TBL1X: variants seen among roughly 807,000 people sequenced by gnomAD.
The protein encoded by TBL1X is transducin beta like 1 X-linked.
In TBL1X, 10 loss-of-function variants were observed where a neutral mutation model predicts 50.7. The ratio of observed to expected loss-of-function variants is 0.20; its 90% CI spans 0.12 to 0.33. The LOEUF (loss-of-function observed/expected upper bound fraction) is 0.33, where lower values mean the gene tolerates loss of function less well. TBL1X is among the 10% of genes least tolerant of loss of function. TBL1X has a pLI of 1.00. For missense variants in TBL1X, 340 were observed against 504.4 expected (o/e 0.67, Z 3.12); for synonymous variants, 190 against 214.7 (o/e 0.88, Z 1.01).
chrX:9,707,616 T>C (rs1287206018), intron 13 of TBL1X, among the ~76,000 whole-genome samples: 1 of 112,678 alleles, frequency 8.9e-6, no homozygotes, highest in Non-Finnish European at 1.9e-5. Flanking sequence ...TTTGTTCCTT[T>C]GCATGGGCTT....
At chrX:9,482,482 C>G (rs1236044357) in intron 1 of TBL1X, among the ~76,000 whole-genome samples, 1 of 112,239 alleles carries the variant, frequency 8.9e-6, no homozygotes, top group African/African-American at 3.2e-5. Flanking sequence ...TATTTAAATT[C>G]ACTCTTTCCT....
At chrX:9,655,034 G>A (rs1269552081) in intron 5 of TBL1X, among the ~76,000 whole-genome samples, 2 of 110,575 alleles carry the variant, frequency 1.8e-5, no homozygotes. Context: ...AGGTGCATTG[G>A]AAACCCCGCC....
chrX:9,688,011 C>T lies in TBL1X; in HGVS notation c.358-6C>T. 8.3e-7 allele frequency: 1 copy of T among 1,200,834 alleles called. No individual in the cohort carries two copies. The highest frequency in any genetic ancestry group is 1.7e-5 in the African/African-American group (1 of 57,718). On this transcript the variant is annotated splice_polypyrimidine_tract_variant and splice_region_variant and intron_variant, in intron 6 of 17. Coordinates refer to ENST00000645353, the MANE Select transcript of TBL1X (RefSeq NM_005647.4). ...CTGACAGCTGTACCTTGGCTTGCTT[C>T]CCCAGGATGGCACAGTGTTCGACGG...
intron 2 of TBL1X, among the ~76,000 whole-genome samples, chrX:9,613,841 C>T (rs2082625754): frequency 9.2e-6 from 1 of 108,834 alleles, no homozygotes; most frequent in Non-Finnish European, 1.9e-5. Context: ...CAAAAATTAG[C>T]CGGGCATGGT....
intron 3 of TBL1X, among the ~76,000 whole-genome samples, chrX:9,640,692 G>A (rs2082771338): frequency 9.0e-6 from 1 of 111,268 alleles, no homozygotes; most frequent in South Asian, 3.9e-4. Flanking sequence ...GTGCAGTGGT[G>A]CAATCTCGGC....
intron 2 of TBL1X, among the ~76,000 whole-genome samples, chrX:9,520,093 G>A (rs1450559166): frequency 2.7e-5 from 3 of 111,659 alleles, no homozygotes; most frequent in African/African-American, 9.8e-5. Flanking sequence ...ATCTTCCTTC[G>A]TCATTGAACG....
chrX:9,520,126 A>G (rs898085857), intron 2 of TBL1X, among the ~76,000 whole-genome samples: 2 of 111,875 alleles, frequency 1.8e-5, no homozygotes, highest in Admixed American at 1.9e-4. Flanking sequence ...CCTGGTTTCC[A>G]TTACTTGCTG....
chrX:9,485,678 A>T lies in TBL1X; in HGVS notation c.-200-16102A>T, dbSNP rs148340012. Among the ~76,000 whole-genome samples, 593 of 111,551 alleles carry T rather than the reference A, an allele frequency of 5.3e-3. 5 individuals are homozygous for T. The highest frequency in any genetic ancestry group is 0.017 in the African/African-American group (528 of 30,672). ...CTGGTGCCAAGAGCTCTGAGGTGCT[A>T]CTATGCCCCCTGGAACCTTTGGGCA... On this transcript the variant is annotated intron_variant, in intron 1 of 17. Transcript: ENST00000645353.
At chrX:9,547,249 C>T (rs987958396) in intron 2 of TBL1X, among the ~76,000 whole-genome samples, 1 of 111,780 alleles carries the variant, frequency 8.9e-6, no homozygotes, top group African/African-American at 3.3e-5. Flanking sequence ...GTCACGCCCC[C>T]TTCAGGATGG....
At chrX:9,484,062 G>A (rs1162899669) in intron 1 of TBL1X, among the ~76,000 whole-genome samples, 1 of 112,003 alleles carries the variant, frequency 8.9e-6, no homozygotes, top group Non-Finnish European at 1.9e-5. Context: ...TAGAGACAAG[G>A]TCTCACTATG....
intron 1 of TBL1X, among the ~76,000 whole-genome samples, chrX:9,472,682 G>A (rs2081824419): frequency 9.1e-6 from 1 of 110,349 alleles, no homozygotes; most frequent in Non-Finnish European, 1.9e-5. Flanking sequence ...GGGAGGCTGA[G>A]GGGGGCAGAT....
At chrX:9,514,738 GTTACCTAGCCTTGGAGCCCTTAC>G (rs63268261) in intron 2 of TBL1X, among the ~76,000 whole-genome samples, 49,207 of 110,680 alleles carry the variant, frequency 0.44, 8,563 homozygotes, top group Admixed American at 0.61. Flanking sequence ...GTGCAACACA[GTTACCTAGCCTTGGAGCCCTTAC>G]TTGGATTTCA....
intron 6 of TBL1X, 81 bp downstream of exon 6, chrX:9,684,269 T>G: frequency 8.8e-7 from 1 of 1,136,048 alleles, no homozygotes; most frequent in Non-Finnish European, 1.2e-6. Flanking sequence ...GAAGCTAACA[T>G]GCATTTCCCT....
intron 13 of TBL1X, among the ~76,000 whole-genome samples, chrX:9,706,343 G>A (rs1014298357): frequency 1.8e-5 from 2 of 111,441 alleles, no homozygotes; most frequent in African/African-American, 3.3e-5. Context: ...TGCGTGATGG[G>A]GAGAGAAGAA....
intron 5 of TBL1X, among the ~76,000 whole-genome samples, chrX:9,683,511 C>T (rs2083038173): frequency 9.0e-6 from 1 of 111,672 alleles, no homozygotes; most frequent in African/African-American, 3.3e-5. Context: ...GGCCTCTTCT[C>T]CGTCTTCAGT....
chrX:9,527,941 G>A (rs1345562246), intron 2 of TBL1X, among the ~76,000 whole-genome samples: 3 of 110,556 alleles, frequency 2.7e-5, no homozygotes, highest in South Asian at 3.9e-4. Flanking sequence ...GCATCACCAC[G>A]CCAGGCTGAT....
intron 2 of TBL1X, among the ~76,000 whole-genome samples, chrX:9,569,412 T>C (rs2082373403): frequency 9.0e-6 from 1 of 111,540 alleles, no homozygotes; most frequent in African/African-American, 3.3e-5. Flanking sequence ...CTGTGTGGTG[T>C]ACTGTGTGTG....
chrX:9,535,038 A>G (rs966264444), intron 2 of TBL1X: 2 of 111,587 alleles, frequency 1.8e-5, no homozygotes, highest in African/African-American at 6.5e-5. Context: ...GTCAACAGTA[A>G]GTACTTTTAT....
intron 2 of TBL1X, among the ~76,000 whole-genome samples, chrX:9,614,635 A>G (rs953046243): frequency 8.9e-5 from 10 of 112,073 alleles, no homozygotes; most frequent in African/African-American, 3.2e-4. Flanking sequence ...CCAGGTTCTC[A>G]GTCTATACTG....
Sources: gnomAD v4.1 joint callset for allele counts (sites outside exome capture counted in the v4.1 genomes callset) on GRCh38, gnomAD v4.1.1 for gene constraint, MANE v1.5 for transcripts, NCBI Gene and HGNC (gene_info 2026-07-23, HGNC 2026-07-21) for gene names.